ZNF880: variants seen among roughly 807,000 people sequenced by gnomAD.
ZNF880 encodes zinc finger protein 880.
A neutral mutation model predicts 11.8 loss-of-function variants in ZNF880; 12 were observed. That is an observed-to-expected ratio of 1.02 (90% CI 0.65 to 1.65). The LOEUF (loss-of-function observed/expected upper bound fraction) is 1.65. ZNF880 is among the 40% of genes most tolerant of loss of function. The probability of loss-of-function intolerance (pLI) is 0.00; values close to 1 mark genes in which losing one functional copy is unlikely to be tolerated. For missense variants in ZNF880, 601 were observed against 673.9 expected, an observed-to-expected ratio of 0.89 and a Z score of 1.20; for synonymous variants, 210 against 232.4, an observed-to-expected ratio of 0.90 and a Z score of 0.88.
the ZNF880 span, among the ~76,000 whole-genome samples, chr19:52,392,300 C>CTCTG: frequency 6.6e-6 from 1 of 151,788 alleles, no homozygotes; most frequent in Non-Finnish European, 1.5e-5. Flanking sequence ...CTTTCTCTCT[C>CTCTG]TCTTTCTTTT....
intron 3 of ZNF880, among the ~76,000 whole-genome samples, chr19:52,381,683 T>C (rs1986710235): frequency 6.6e-6 from 1 of 152,188 alleles, no homozygotes; most frequent in Non-Finnish European, 1.5e-5. Flanking sequence ...TACTGCCTTT[T>C]GTAGTATTTT....
Position 52,385,114 on chromosome 19 carries a change from C to T in ZNF880, c.1534C>T (p.Gln512Ter). Residue 512 changes from glutamine (Q) to a stop codon, truncating the protein, a stop_gained, in exon 4 of 4, where the codon CAA becomes TAA. Coordinates refer to ENST00000422689, the MANE Select transcript of ZNF880 (RefSeq NM_001145434.2). LOFTEE classifies it low-confidence loss of function (END_TRUNC). ...CAATTCACACCTTGCACGACATAGG[C>T]AAATTCATACTGGAGAGAAGTCTTA... is the stretch of plus-strand genomic sequence containing the variant. ...SHNSHLARHR[Q>*]IHTGEKSYKC... The T allele has an allele frequency of 6.4e-7, 1 of 1,552,398 alleles. No homozygotes were observed. Among genetic ancestry groups the T allele is most frequent in the Non-Finnish European group, 8.7e-7 (1 of 1,148,304 alleles).
chr19:52,397,556 A>T, the ZNF880 span: 3 of 143,736 alleles, frequency 2.1e-5, no homozygotes, highest in Admixed American at 7.0e-5. Flanking sequence ...CTTTCTCTTT[A>T]CTCTCTCTCT....
the ZNF880 span, among the ~76,000 whole-genome samples, chr19:52,392,041 A>G: frequency 0.11 from 16,745 of 152,104 alleles, 1,304 homozygotes; most frequent in African/African-American, 0.21. Context: ...ATAGGGAGTT[A>G]GCATTAGATC....
chr19:52,377,063 G>A (rs929201524), intron 3 of ZNF880, among the ~76,000 whole-genome samples: 4 of 152,116 alleles, frequency 2.6e-5, no homozygotes, highest in African/African-American at 9.7e-5. Context: ...GACATAGGGA[G>A]GGCTGTGTCA....
chr19:52,369,905 C>A, upstream of ZNF880: 1 of 1,550,986 alleles, frequency 6.4e-7, no homozygotes, highest in Non-Finnish European at 8.7e-7. Context: ...CCTCGCCTCG[C>A]CTCTCAGCTG....
At chr19:52,392,626 C>T in the ZNF880 span, 4 of 189,400 alleles carry the variant, frequency 2.1e-5, no homozygotes, top group Non-Finnish European at 5.0e-5. Flanking sequence ...AAAGGTGCCA[C>T]AGTACACCTT....
At chr19:52,373,022 C>G in intron 1 of ZNF880, 89 bp from the exon 2 acceptor site, 2 of 1,359,782 alleles carry the variant, frequency 1.5e-6, no homozygotes, top group Non-Finnish European at 2.1e-6. Context: ...GTGGATTTGT[C>G]AGAACATCCA....
chr19:52,395,289 G>A, the ZNF880 span, among the ~76,000 whole-genome samples: 3 of 152,112 alleles, frequency 2.0e-5, no homozygotes, highest in East Asian at 3.8e-4. Flanking sequence ...GATAAGAGGG[G>A]ACATTCTTGC....
chr19:52,371,461 T>A (rs1600245511), intron 1 of ZNF880, among the ~76,000 whole-genome samples: 2 of 152,148 alleles, frequency 1.3e-5, no homozygotes, highest in East Asian at 3.9e-4. Context: ...CTGCAAACTC[T>A]GCCTCCCGGG....
Position 52,374,371 on chromosome 19 carries a change from A to G in ZNF880, c.212A>G (p.Glu71Gly), listed in dbSNP as rs1986491558. ...QRRDPRNLQS[E>G]VKIANNPGGR... Reference sequence around the variant, plus strand: ...AGAGATCCCCGGAATCTGCAGAGTGAAGTGAAAATAGCAAACAATCCAGGT... The same window carrying G: ...AGAGATCCCCGGAATCTGCAGAGTGGAGTGAAAATAGCAAACAATCCAGGT... The change falls in exon 3 of 4, where the codon GAA (glutamate) becomes GGA (glycine). Residue 71 changes from glutamate to glycine, a missense_variant. Glu to Gly is a moderately conservative substitution (Grantham distance 98, BLOSUM62 -2). Transcript: ENST00000422689. The G allele has an allele frequency of 1.2e-6, 2 of 1,613,232 alleles. No individual in the cohort carries two copies. Among genetic ancestry groups the G allele is most frequent in the East Asian group, 2.2e-5 (1 of 44,882 alleles).
intron 2 of ZNF880, among the ~76,000 whole-genome samples, chr19:52,374,001 C>G (rs1263642920): frequency 2.0e-5 from 3 of 152,064 alleles, no homozygotes; most frequent in East Asian, 1.9e-4. Context: ...ATAATATCCT[C>G]TCTCCTACCT....
chr19:52,392,855 G>C, the ZNF880 span: 2 of 169,112 alleles, frequency 1.2e-5, no homozygotes, highest in African/African-American at 4.8e-5. Flanking sequence ...ACAGGGTCTT[G>C]CTCTGTTAGC....
chr19:52,373,518 C>T (rs541703801), intron 2 of ZNF880, among the ~76,000 whole-genome samples: 2 of 152,178 alleles, frequency 1.3e-5, no homozygotes, highest in African/African-American at 4.8e-5. Context: ...TGCGTCAAAC[C>T]TTATGACAGA....
At chr19:52,377,012 C>T (rs4802926) in intron 3 of ZNF880, among the ~76,000 whole-genome samples, 53,907 of 151,966 alleles carry the variant, frequency 0.35, 9,891 homozygotes, top group South Asian at 0.5. Context: ...AACACCCTGT[C>T]ATATGGCTTA....
chr19:52,388,282 CTTTTTTTTTTT>C (rs68179783), downstream of ZNF880, among the ~76,000 whole-genome samples: 3 of 63,424 alleles, frequency 4.7e-5, no homozygotes, highest in Non-Finnish European at 7.9e-5. Flanking sequence ...GCAATTTGAA[CTTTTTTTTTTT>C]TTTTTTTTTT....
chr19:52,382,925 C>T (rs942775020), intron 3 of ZNF880, among the ~76,000 whole-genome samples: 4 of 152,158 alleles, frequency 2.6e-5, no homozygotes, highest in African/African-American at 9.7e-5. Flanking sequence ...TATATTGTTC[C>T]ACCTGATAGT....
upstream of ZNF880, among the ~76,000 whole-genome samples, chr19:52,367,955 CT>C (rs995203027): frequency 2.6e-5 from 4 of 151,748 alleles, no homozygotes; most frequent in African/African-American, 9.7e-5. Context: ...AATCTCAGCA[CT>C]TTGGGAGGCT....
chr19:52,373,669 A>ATTCTTTTTTTTTTT (rs1986461292), intron 2 of ZNF880, among the ~76,000 whole-genome samples: 1 of 102,578 alleles, frequency 9.7e-6, no homozygotes, highest in African/African-American at 3.8e-5. Flanking sequence ...AAATACTGTA[A>ATTCTTTTTTTTTTT]TTTTTTTTTT....
Sources: gnomAD v4.1 joint callset for allele counts (sites outside exome capture counted in the v4.1 genomes callset) on GRCh38, gnomAD v4.1.1 for gene constraint, MANE v1.5 for transcripts, NCBI Gene and HGNC (gene_info 2026-07-23, HGNC 2026-07-21) for gene names.